The following GPC5 variants were observed in gnomAD, a reference collection of about 807,000 sequenced individuals.
The protein encoded by GPC5 is glypican 5.
In GPC5, 47 loss-of-function variants were observed where a neutral mutation model predicts 53.9. The ratio of observed to expected loss-of-function variants is 0.87; its 90% CI spans 0.69 to 1.11. GPC5 has a LOEUF of 1.11. Among genes scored for constraint, GPC5 ranks in the 50% most tolerant of loss-of-function variants. The probability of loss-of-function intolerance (pLI) is 0.00; values close to 1 mark genes in which losing one functional copy is unlikely to be tolerated. For missense variants in GPC5, 748 were observed against 713.1 expected, an observed-to-expected ratio of 1.05 and a Z score of -0.56; for synonymous variants, 286 against 263.3, an observed-to-expected ratio of 1.09 and a Z score of -0.84.
chr13:91,710,050 C>A (rs1004051540), intron 3 of GPC5, among the ~76,000 whole-genome samples: 1 of 152,208 alleles, frequency 6.6e-6, no homozygotes, highest in African/African-American at 2.4e-5. Context: ...ACATGCAGTA[C>A]TTCAGCCATT....
rs1566517518 is a variant in GPC5 at position 91,572,192 on chromosome 13, C to CATATGTATATATACGTGTATATATAT, written c.326-120994_326-120993insTATGTATATATACGTGTATATATATA. Among the ~76,000 whole-genome samples the CATATGTATATATACGTGTATATATAT allele has an allele frequency of 5.8e-3, 637 of 110,282 alleles. 25 individuals are homozygous for CATATGTATATATACGTGTATATATAT. The highest frequency in any genetic ancestry group is 0.027 in the African/African-American group (530 of 19,700). 72.3% of individuals were successfully genotyped at this position (110,282 alleles called of 152,430 possible). On this transcript the variant is annotated intron_variant, in intron 2 of 7. Coordinates refer to ENST00000377067, the MANE Select transcript of GPC5 (RefSeq NM_004466.6). ...ATATGTATATATACGTGTGTATACA[C>CATATGTATATATACGTGTATATATAT]ACACATATGTATATATACGTGTATA...
chr13:92,392,762 G>T (rs1013861011), intron 7 of GPC5, among the ~76,000 whole-genome samples: 3 of 152,150 alleles, frequency 2.0e-5, no homozygotes, highest in Non-Finnish European at 4.4e-5. Flanking sequence ...CTGCTCAAAA[G>T]AAGACATACA....
intron 2 of GPC5, among the ~76,000 whole-genome samples, chr13:91,459,029 A>C (rs1361920899): frequency 2.0e-5 from 3 of 152,002 alleles, no homozygotes; most frequent in African/African-American, 7.2e-5. Flanking sequence ...AAGACATAAG[A>C]ATGATACAAT....
chr13:91,852,837 CATGCCT>C (rs1359701241), intron 5 of GPC5, among the ~76,000 whole-genome samples: 2 of 152,088 alleles, frequency 1.3e-5, no homozygotes, highest in Non-Finnish European at 2.9e-5. Context: ...TTATGTGGAG[CATGCCT>C]ATACTTTAAT....
At chr13:92,428,137 T>C (rs1273483495) in intron 7 of GPC5, among the ~76,000 whole-genome samples, 1 of 152,096 alleles carries the variant, frequency 6.6e-6, no homozygotes, top group African/African-American at 2.4e-5. Context: ...TGATTCCAAA[T>C]ATCTTCTCTT....
chr13:92,821,346 C>T (rs902734967), intron 7 of GPC5, among the ~76,000 whole-genome samples: 11 of 152,150 alleles, frequency 7.2e-5, no homozygotes, highest in Admixed American at 7.2e-4. Flanking sequence ...TAGAATTATG[C>T]ATGCATTTCC....
In GPC5 at chr13:91,693,556, G is replaced by T. The variant is rs372954675; in HGVS notation, c.695G>T (p.Gly232Val). The T allele has an allele frequency of 6.2e-7, 1 of 1,614,040 alleles. No homozygotes were observed. Among genetic ancestry groups the T allele is most frequent in the Non-Finnish European group, 8.5e-7 (1 of 1,180,002 alleles). The change falls in exon 3 of 8, where the codon GGC becomes GTC. Residue 232 changes from glycine to valine, a missense_variant. Gly to Val is a moderately radical substitution (Grantham distance 109, BLOSUM62 -3). Transcript: ENST00000377067. ...SRTFLQALNL[G>V]IEVINTTDYL... is the part of the protein sequence containing the mutation. ...ACTTTTCTGCAGGCACTCAATCTGGGCATTGAAGTCATCAACACCACAGAC... is the reference window on the plus strand; with the variant it reads ...ACTTTTCTGCAGGCACTCAATCTGGTCATTGAAGTCATCAACACCACAGAC...
At chr13:92,131,160 A>C (rs2138961873) in intron 6 of GPC5, among the ~76,000 whole-genome samples, 1 of 152,078 alleles carries the variant, frequency 6.6e-6, no homozygotes, top group South Asian at 2.1e-4. Context: ...CTAAATACCC[A>C]AAATTAAAAT....
At chr13:91,954,228 C>T (rs1225354606) in intron 6 of GPC5, among the ~76,000 whole-genome samples, 1 of 151,994 alleles carries the variant, frequency 6.6e-6, no homozygotes, top group Non-Finnish European at 1.5e-5. Context: ...CTAGTCCCAA[C>T]ATATTTTATA....
At position 91,728,683 on chromosome 13, in the gene GPC5, C is replaced by A. The variant is rs773444768; in HGVS notation, c.1154+18C>A. On this transcript the variant is annotated intron_variant, in intron 4 of 7. Coordinates refer to ENST00000377067, the MANE Select transcript of GPC5 (RefSeq NM_004466.6). ...AGAAGAAAGTAAGACATTTGTTTTA[C>A]AACCAGAAAGAGAAAAGAAAGTAAG... 1.3e-6 allele frequency: 2 copies of A among 1,595,718 alleles called. No individual in the cohort carries two copies. The highest frequency in any genetic ancestry group is 2.7e-5 in the African/African-American group (2 of 73,628).
intron 7 of GPC5, among the ~76,000 whole-genome samples, chr13:92,338,358 GACAGTTTCTT>G (rs1475485370): frequency 2.4e-4 from 36 of 152,184 alleles, no homozygotes; most frequent in African/African-American, 7.5e-4. Flanking sequence ...TACTCTGGAA[GACAGTTTCTT>G]ACAGTTTCTT....
intron 6 of GPC5, among the ~76,000 whole-genome samples, chr13:91,955,808 C>T (rs2040067793): frequency 1.3e-5 from 2 of 152,208 alleles, no homozygotes; most frequent in African/African-American, 4.8e-5. Flanking sequence ...CAGACTGTAT[C>T]CTGTCCTGTG....
intron 7 of GPC5, among the ~76,000 whole-genome samples, chr13:92,730,513 G>A (rs570673844): frequency 6.6e-6 from 1 of 151,194 alleles, no homozygotes; most frequent in South Asian, 2.1e-4. Context: ...TTATAATTTT[G>A]CATTTTAAAT....
Position 92,238,653 on chromosome 13 carries a change from A to G in GPC5, c.1561+93664A>G, listed in dbSNP as rs562660698. Among the ~76,000 whole-genome samples the G allele has an allele frequency of 7.9e-5, 12 of 151,922 alleles. No individual in the cohort carries two copies. The South Asian group carries it at 2.5e-3, about 32-fold the overall frequency. On this transcript the variant is annotated intron_variant, in intron 7 of 7. Transcript: ENST00000377067. ...ATACTTTCTCCCTTTCTCTGGGTTA[A>G]CTTACACAAGTCCGTTATTAGACAT...
chr13:91,773,221 A>G (rs926959487), intron 5 of GPC5, among the ~76,000 whole-genome samples: 9 of 152,180 alleles, frequency 5.9e-5, no homozygotes, highest in Non-Finnish European at 1.3e-4. Context: ...ATTTAGTAAC[A>G]CCGATAGAAA....
chr13:91,878,982 G>C (rs2039234983), intron 5 of GPC5, among the ~76,000 whole-genome samples: 1 of 151,992 alleles, frequency 6.6e-6, no homozygotes, highest in East Asian at 1.9e-4. Context: ...TAATCATATT[G>C]TCTCCTACAG....
intron 7 of GPC5, among the ~76,000 whole-genome samples, chr13:92,850,647 T>G (rs1878763642): frequency 1.3e-5 from 2 of 152,026 alleles, no homozygotes; most frequent in Non-Finnish European, 2.9e-5. Flanking sequence ...CAGTTATCCT[T>G]GGTAGAGAGG....
intron 7 of GPC5, among the ~76,000 whole-genome samples, chr13:92,264,382 G>A (rs2042786750): frequency 6.6e-6 from 1 of 152,098 alleles, no homozygotes; most frequent in Non-Finnish European, 1.5e-5. Context: ...AGAGAGGTGA[G>A]CCCAGCATTT....
intron 6 of GPC5, among the ~76,000 whole-genome samples, chr13:92,053,115 A>G (rs970818914): frequency 1.3e-5 from 2 of 152,336 alleles, no homozygotes; most frequent in African/African-American, 4.8e-5. Flanking sequence ...GTAGGACTCA[A>G]TTACCTAAAA....
Sources: gnomAD v4.1 joint callset for allele counts (sites outside exome capture counted in the v4.1 genomes callset) on GRCh38, gnomAD v4.1.1 for gene constraint, MANE v1.5 for transcripts, NCBI Gene and HGNC (gene_info 2026-07-23, HGNC 2026-07-21) for gene names.